PDE1A: variants seen among roughly 807,000 people sequenced by gnomAD.
The protein encoded by PDE1A is dual specificity calcium/calmodulin-dependent 3',5'-cyclic nucleotide phosphodiesterase 1A.
A neutral mutation model predicts 61.7 loss-of-function variants in PDE1A; 35 were observed. The ratio of observed to expected loss-of-function variants is 0.57; its 90% CI spans 0.43 to 0.75. The LOEUF (loss-of-function observed/expected upper bound fraction) is 0.75. Ranked by LOEUF, PDE1A falls within the 30% of genes least tolerant of loss-of-function variation. PDE1A has a pLI of 0.00. For missense variants in PDE1A, 597 were observed against 630.6 expected (o/e 0.95, Z 0.57); for synonymous variants, 232 against 213.2 (o/e 1.09, Z -0.77).
At chr2:182,652,639 C>T in the PDE1A span, among the ~76,000 whole-genome samples, 1 of 152,146 alleles carries the variant, frequency 6.6e-6, no homozygotes, top group Non-Finnish European at 1.5e-5. Flanking sequence ...CATTGAGACC[C>T]ACTTGTACCC....
chr2:182,296,706 G>C (rs999824974), intron 1 of PDE1A, among the ~76,000 whole-genome samples: 10 of 152,150 alleles, frequency 6.6e-5, no homozygotes, highest in Non-Finnish European at 4.4e-5. Context: ...ATATCAACTT[G>C]ACATAGAGTG....
chr2:182,371,714 C>T (rs1700136956), intron 1 of PDE1A, among the ~76,000 whole-genome samples: 1 of 152,136 alleles, frequency 6.6e-6, no homozygotes, highest in Non-Finnish European at 1.5e-5. Flanking sequence ...TGTCTTGCCT[C>T]ATTAAAAATC....
chr2:182,641,793 T>A, the PDE1A span, among the ~76,000 whole-genome samples: 2 of 152,236 alleles, frequency 1.3e-5, no homozygotes, highest in Non-Finnish European at 2.9e-5. Context: ...AGGATAATCA[T>A]TTGGAAATTT....
At chr2:182,462,145 G>C (rs1169780552) in intron 2 of PDE1A, among the ~76,000 whole-genome samples, 1 of 151,922 alleles carries the variant, frequency 6.6e-6, no homozygotes, top group Non-Finnish European at 1.5e-5. Flanking sequence ...TCACACACCG[G>C]GGCCTGTTGT....
chr2:182,419,770 C>T (rs1199180252), intron 1 of PDE1A, among the ~76,000 whole-genome samples: 1 of 152,140 alleles, frequency 6.6e-6, no homozygotes, highest in Non-Finnish European at 1.5e-5. Flanking sequence ...TGTCAAACTA[C>T]ATGCCTTTTG....
chr2:182,358,405 T>C lies in PDE1A; in HGVS notation c.53+68173A>G, dbSNP rs989078949. 2.0e-5 allele frequency among the ~76,000 whole-genome samples: 3 copies of C among 152,152 alleles called. No homozygotes were observed. In the East Asian group the frequency reaches 5.8e-4, roughly 29 times the overall value. On this transcript the variant is annotated intron_variant, in intron 1 of 13. Coordinates refer to ENST00000351439, the Ensembl canonical transcript of PDE1A. ...TTATATGCATCAGGAAACTTCCTTT[T>C]TGAAGTTTTGTCTAACCCAACTAAT...
chr2:182,269,723 G>C (rs1333801224), intron 1 of PDE1A, among the ~76,000 whole-genome samples: 1 of 152,002 alleles, frequency 6.6e-6, no homozygotes, highest in Admixed American at 6.6e-5. Flanking sequence ...GATACTAGTT[G>C]TTTAAGAATG....
intron 2 of PDE1A, among the ~76,000 whole-genome samples, chr2:182,490,470 C>T (rs1042208015): frequency 7.2e-5 from 11 of 152,270 alleles, no homozygotes; most frequent in Non-Finnish European, 1.0e-4. Context: ...CCTGGGTTCA[C>T]GCCATTCTCC....
At chr2:182,215,978 G>C (rs1235766336) in intron 7 of PDE1A, among the ~76,000 whole-genome samples, 4 of 111,300 alleles carry the variant, frequency 3.6e-5, no homozygotes, top group African/African-American at 1.1e-4. Flanking sequence ...GAGAATTTTA[G>C]ACCAATATCC....
intron 1 of PDE1A, among the ~76,000 whole-genome samples, chr2:182,403,050 T>C (rs1005489574): frequency 6.7e-6 from 1 of 149,554 alleles, no homozygotes; most frequent in Non-Finnish European, 1.5e-5. Flanking sequence ...TATGGAGAAA[T>C]AGGAATGCTT....
the PDE1A span, among the ~76,000 whole-genome samples, chr2:182,584,855 A>G: frequency 6.6e-6 from 1 of 152,196 alleles, no homozygotes; most frequent in African/African-American, 2.4e-5. Flanking sequence ...ACCCACCCCA[A>G]TAATTAACTC....
chr2:182,565,729 G>A, the PDE1A span, among the ~76,000 whole-genome samples: 7 of 152,096 alleles, frequency 4.6e-5, no homozygotes, highest in African/African-American at 1.7e-4. Flanking sequence ...TTAGAGTCAA[G>A]ATTTTTTCTA....
intron 4 of PDE1A, among the ~76,000 whole-genome samples, chr2:182,231,686 T>G (rs981894452): frequency 3.3e-5 from 5 of 151,982 alleles, no homozygotes; most frequent in Non-Finnish European, 5.9e-5. Context: ...GAGGCTGAAA[T>G]GGGCCAATCA....
intron 2 of PDE1A, among the ~76,000 whole-genome samples, chr2:182,249,844 T>G (rs1691268855): frequency 6.6e-6 from 1 of 152,126 alleles, no homozygotes. Flanking sequence ...GCCAGCTGCT[T>G]TATTGCTTTC....
chr2:182,636,720 C>T, the PDE1A span, among the ~76,000 whole-genome samples: 4 of 152,198 alleles, frequency 2.6e-5, no homozygotes, highest in African/African-American at 9.7e-5. Context: ...GTTGAGGAGT[C>T]GGTCAGACCC....
intron 2 of PDE1A, among the ~76,000 whole-genome samples, chr2:182,243,919 G>C (rs1466415139): frequency 6.6e-6 from 1 of 152,152 alleles, no homozygotes; most frequent in Non-Finnish European, 1.5e-5. Context: ...CCAGGCTGGA[G>C]TGCAATGGTG....
At chr2:182,282,927 T>G (rs1693907904) in intron 1 of PDE1A, among the ~76,000 whole-genome samples, 1 of 152,022 alleles carries the variant, frequency 6.6e-6, no homozygotes, top group African/African-American at 2.4e-5. Flanking sequence ...AACCTGTGCA[T>G]AGCCATACTG....
chr2:182,390,681 G>A (rs894807534), intron 1 of PDE1A, among the ~76,000 whole-genome samples: 1 of 152,134 alleles, frequency 6.6e-6, no homozygotes, highest in African/African-American at 2.4e-5. Context: ...TGCAACAAAA[G>A]GTGCACACTC....
At chr2:182,417,853 T>G (rs1703015838) in intron 1 of PDE1A, among the ~76,000 whole-genome samples, 1 of 152,174 alleles carries the variant, frequency 6.6e-6, no homozygotes, top group Non-Finnish European at 1.5e-5. Flanking sequence ...TTGTTGTGTT[T>G]TGTTTTTGTT....
Sources: gnomAD v4.1 joint callset for allele counts (sites outside exome capture counted in the v4.1 genomes callset) on GRCh38, gnomAD v4.1.1 for gene constraint, MANE v1.5 for transcripts, NCBI Gene and HGNC (gene_info 2026-07-23, HGNC 2026-07-21) for gene names.